The following FLT1 variants were observed in gnomAD, a reference collection of about 807,000 sequenced individuals.
The protein encoded by FLT1 is vascular endothelial growth factor receptor 1.
A neutral mutation model predicts 156.3 loss-of-function variants in FLT1; 49 were observed. The ratio of observed to expected loss-of-function variants is 0.31; its 90% CI spans 0.25 to 0.40. The LOEUF (loss-of-function observed/expected upper bound fraction) is 0.40, where lower values mean the gene tolerates loss of function less well. Ranked by LOEUF, FLT1 falls within the 10% of genes least tolerant of loss-of-function variation. The pLI is 1.00. For missense variants in FLT1, 1,322 were observed against 1,637.2 expected (o/e 0.81, Z 3.32); for synonymous variants, 594 against 583.8 (o/e 1.02, Z -0.25).
intron 20 of FLT1, among the ~76,000 whole-genome samples, chr13:28,326,905 G>A (rs1381025404): frequency 6.6e-6 from 1 of 152,202 alleles, no homozygotes; most frequent in African/African-American, 2.4e-5. Context: ...TATTTAATAA[G>A]GCTGGTTCAG....
At chr13:28,389,223 A>G (rs973182739) in intron 13 of FLT1, 2 of 1,110,838 alleles carry the variant, frequency 1.8e-6, no homozygotes, top group African/African-American at 3.2e-5. Flanking sequence ...TCAAGAGCAG[A>G]TGAAATAGTC....
intron 23 of FLT1, 43 bp from the exon 24 acceptor site, chr13:28,319,577 C>G (rs371789421): frequency 1.4e-4 from 170 of 1,198,880 alleles, no homozygotes; most frequent in Non-Finnish European, 2.0e-4. Flanking sequence ...GGCATGAAAA[C>G]AAAGCACATT....
intron 14 of FLT1, among the ~76,000 whole-genome samples, chr13:28,380,151 A>G (rs1874014928): frequency 6.6e-6 from 1 of 152,210 alleles, no homozygotes; most frequent in South Asian, 2.1e-4. Context: ...AGCTGGCTAA[A>G]GGCTGAGTAT....
At chr13:28,438,674 A>G (rs1344405777) in intron 3 of FLT1, among the ~76,000 whole-genome samples, 1 of 152,226 alleles carries the variant, frequency 6.6e-6, no homozygotes, top group Non-Finnish European at 1.5e-5. Flanking sequence ...AATTCTGCAT[A>G]GACTTCTCAC....
chr13:28,379,603 C>T (rs1001536225), intron 14 of FLT1, among the ~76,000 whole-genome samples: 15 of 152,268 alleles, frequency 9.9e-5, no homozygotes, highest in Admixed American at 5.2e-4. Flanking sequence ...ATGCCAACCC[C>T]GAGGTACTCA....
Position 28,302,786 on chromosome 13 carries a change from G to A in FLT1, c.*381C>T, listed in dbSNP as rs559131288. 3.7e-6 allele frequency: 1 copy of A among 268,268 alleles called. No homozygotes were observed. The highest frequency in any genetic ancestry group is 4.9e-5 in the Admixed American group (1 of 20,524). 16.6% of individuals were successfully genotyped at this position (268,268 alleles called of 1,614,324 possible). A position where few individuals can be genotyped will look rare whatever the true frequency, so the allele number is the denominator to read the frequency against. On this transcript the variant is annotated 3_prime_UTR_variant, in exon 30 of 30. Transcript: ENST00000282397. ...TGGGGCTAACGGGCTTGTTGCCCTG[G>A]GTTTTGGGCTGCAGGGCTGGCCCAG...
chr13:28,375,371 A>G (rs1292897384), intron 14 of FLT1, among the ~76,000 whole-genome samples: 2 of 122,136 alleles, frequency 1.6e-5, no homozygotes, highest in African/African-American at 6.0e-5. Flanking sequence ...GAAAGCGCAT[A>G]AAGCAACATT....
At chr13:28,369,062 A>G (rs1593714641) in intron 14 of FLT1, among the ~76,000 whole-genome samples, 1 of 152,190 alleles carries the variant, frequency 6.6e-6, no homozygotes, top group African/African-American at 2.4e-5. Flanking sequence ...GAACCAGAAG[A>G]GCCAAAATAT....
intron 1 of FLT1, among the ~76,000 whole-genome samples, chr13:28,487,091 C>T (rs1881209697): frequency 6.6e-6 from 1 of 152,210 alleles, no homozygotes; most frequent in South Asian, 2.1e-4. Context: ...TTCTTAACCT[C>T]AGCTGCCCAT....
At chr13:28,403,121 G>A (rs1387549202) in intron 11 of FLT1, among the ~76,000 whole-genome samples, 1 of 152,018 alleles carries the variant, frequency 6.6e-6, no homozygotes, top group Non-Finnish European at 1.5e-5. Flanking sequence ...TTTCATCCTT[G>A]TAACAGGAAG....
intron 10 of FLT1, among the ~76,000 whole-genome samples, chr13:28,418,254 T>G (rs985225762): frequency 6.6e-6 from 1 of 152,156 alleles, no homozygotes; most frequent in African/African-American, 2.4e-5. Context: ...CAACTGCAGA[T>G]CTGGGGCCCA....
intron 1 of FLT1, among the ~76,000 whole-genome samples, chr13:28,472,869 G>C (rs1027419213): frequency 1.3e-5 from 2 of 152,088 alleles, no homozygotes; most frequent in African/African-American, 4.8e-5. Context: ...CAATGTATAA[G>C]TTAGAAATCA....
At chr13:28,473,309 A>T (rs2137635604) in intron 1 of FLT1, among the ~76,000 whole-genome samples, 2 of 152,230 alleles carry the variant, frequency 1.3e-5, no homozygotes, top group African/African-American at 4.8e-5. Context: ...ATAAAAACTT[A>T]CACACAAATG....
intron 11 of FLT1, 94 bp from the exon 12 acceptor site, chr13:28,397,162 C>A: frequency 1.3e-6 from 1 of 760,092 alleles, no homozygotes; most frequent in African/African-American, 1.7e-5. Context: ...TCAGCTACTC[C>A]ATTCATTCTG....
chr13:28,347,165 A>T lies in FLT1; in HGVS notation c.2249-1614T>A, dbSNP rs79776001. Among the ~76,000 whole-genome samples, 1,307 of 152,312 alleles carry T rather than the reference A, an allele frequency of 8.6e-3. 12 individuals carry two copies. The highest frequency in any genetic ancestry group is 0.03 in the African/African-American group (1,253 of 41,574). ...TTTTGAAGAGGTGGCATTTGACATGAATTTTAATCTGCAGAGATGAAGGCA... is the reference window on the plus strand; with the variant it reads ...TTTTGAAGAGGTGGCATTTGACATGTATTTTAATCTGCAGAGATGAAGGCA... On this transcript the variant is annotated intron_variant, in intron 15 of 29. Coordinates refer to ENST00000282397, the MANE Select transcript of FLT1 (RefSeq NM_002019.4).
At chr13:28,360,196 A>G (rs1177163130) in intron 14 of FLT1, among the ~76,000 whole-genome samples, 7 of 152,254 alleles carry the variant, frequency 4.6e-5, no homozygotes, top group Non-Finnish European at 2.9e-5. Context: ...ACAAGTGTTG[A>G]TGAGGATGTG....
chr13:28,450,320 T>G (rs75118816), intron 3 of FLT1, among the ~76,000 whole-genome samples: 2,563 of 152,258 alleles, frequency 0.017, 79 homozygotes, highest in African/African-American at 0.059. Context: ...AAGATCTCAG[T>G]GAGAGTGGAA....
intron 14 of FLT1, among the ~76,000 whole-genome samples, chr13:28,363,845 C>T (rs1593710292): frequency 6.6e-6 from 1 of 152,044 alleles, no homozygotes; most frequent in Non-Finnish European, 1.5e-5. Context: ...TGACCTCAAG[C>T]GATCTGCTGG....
chr13:28,340,401 G>A (rs767247789), intron 16 of FLT1, among the ~76,000 whole-genome samples: 2 of 152,144 alleles, frequency 1.3e-5, no homozygotes, highest in Non-Finnish European at 2.9e-5. Context: ...CTTCATTTCA[G>A]ATCATAGATA....
Sources: allele counts gnomAD v4.1 joint callset (sites outside exome capture counted in the v4.1 genomes callset), GRCh38; gene constraint gnomAD v4.1.1; transcripts MANE v1.5; gene names NCBI Gene and HGNC (gene_info 2026-07-23, HGNC 2026-07-21).